The following CCDC149 variants were observed in gnomAD, a reference collection of about 807,000 sequenced individuals.
The protein encoded by CCDC149 is coiled-coil domain-containing protein 149.
CCDC149 carries 45 observed loss-of-function variants against 59.9 expected under a neutral mutation model. The observed-to-expected ratio is 0.75, with a 90% CI of 0.59 to 0.96. CCDC149 has a LOEUF of 0.96. CCDC149 is among the 40% of genes least tolerant of loss of function. The pLI, the probability that CCDC149 is intolerant of heterozygous loss-of-function variation, is 0.00. For missense variants in CCDC149, 584 were observed against 664.7 expected (o/e 0.88, Z 1.33); for synonymous variants, 245 against 260.6 (o/e 0.94, Z 0.58).
At chr4:24,820,372 C>G (rs1042247670) in intron 11 of CCDC149, among the ~76,000 whole-genome samples, 1 of 152,054 alleles carries the variant, frequency 6.6e-6, no homozygotes, top group Admixed American at 6.6e-5. Context: ...CATCGATGGG[C>G]TGATAACTGA....
At chr4:24,827,961 C>G (rs1715871237) in intron 9 of CCDC149, 1 of 152,102 alleles carries the variant, frequency 6.6e-6, no homozygotes, top group South Asian at 2.1e-4. Flanking sequence ...GTTTCCAGTG[C>G]ATTCCAAAAG....
intron 12 of CCDC149, 41 bp downstream of exon 12, chr4:24,819,818 G>A (rs753670640): frequency 2.1e-6 from 3 of 1,404,778 alleles, no homozygotes; most frequent in South Asian, 1.2e-5. Flanking sequence ...TCTGTGGCAG[G>A]CACAGTCCAG....
At chr4:24,834,229 G>T (rs1475468253) in intron 8 of CCDC149, among the ~76,000 whole-genome samples, 1 of 151,998 alleles carries the variant, frequency 6.6e-6, no homozygotes, top group Non-Finnish European at 1.5e-5. Context: ...TATGATAGTT[G>T]CTGGTCTGCA....
intron 1 of CCDC149, among the ~76,000 whole-genome samples, chr4:24,978,329 A>G (rs751193493): frequency 9.2e-5 from 14 of 152,216 alleles, no homozygotes; most frequent in Non-Finnish European, 2.1e-4. Flanking sequence ...TATTAATTTC[A>G]TATCGAAAGG....
rs1425627342 is a variant in CCDC149, at chr4:24,822,539, T to C, written c.1000A>G (p.Lys334Glu). The C allele has an allele frequency of 6.5e-7, 1 of 1,538,694 alleles. No homozygotes were observed. Among genetic ancestry groups the C allele is most frequent in the Non-Finnish European group, 8.8e-7 (1 of 1,141,404 alleles). ...CCAGAAACTTCCAGAGTTCTTAATT[T>C]TTTTTCCAGCTCAGCCACCCGATTC... Residue 334 changes from lysine to glutamate, a missense_variant, in exon 10 of 13, where the codon AAA (lysine) becomes GAA (glutamate). By Grantham distance (56) the Lys-to-Glu change is moderately conservative. Transcript: ENST00000635206.
intron 1 of CCDC149, among the ~76,000 whole-genome samples, chr4:24,937,914 G>A (rs1722830051): frequency 6.6e-6 from 1 of 152,124 alleles, no homozygotes; most frequent in Non-Finnish European, 1.5e-5. Context: ...CCTAAATGCT[G>A]TGCTGCTCCT....
At chr4:24,935,762 G>C (rs994849261) in intron 1 of CCDC149, among the ~76,000 whole-genome samples, 3 of 152,176 alleles carry the variant, frequency 2.0e-5, no homozygotes, top group African/African-American at 7.2e-5. Context: ...TGTTATAGCA[G>C]TCAGAAAAGA....
intron 4 of CCDC149, among the ~76,000 whole-genome samples, chr4:24,845,595 GA>G (rs1207647298): frequency 6.6e-6 from 1 of 152,224 alleles, no homozygotes; most frequent in Non-Finnish European, 1.5e-5. Context: ...TGGAATCTGT[GA>G]AATATGATTT....
At chr4:24,876,726 G>T in intron 1 of CCDC149, 29 bp from the exon 2 acceptor site, 8 of 1,580,630 alleles carry the variant, frequency 5.1e-6, no homozygotes, top group Non-Finnish European at 6.9e-6. Context: ...CAGGCAATGG[G>T]TCAAAAACAT....
At chr4:24,904,667 T>C (rs546351083) in intron 1 of CCDC149, among the ~76,000 whole-genome samples, 8 of 152,346 alleles carry the variant, frequency 5.3e-5, no homozygotes, top group African/African-American at 1.7e-4. Context: ...ATGAGACTTC[T>C]AGTTGCTCTG....
intron 10 of CCDC149, among the ~76,000 whole-genome samples, chr4:24,822,166 T>G (rs969278441): frequency 2.6e-5 from 4 of 151,976 alleles, no homozygotes; most frequent in African/African-American, 4.8e-5. Context: ...TATCTACAGA[T>G]TAAAAGAAAA....
chr4:24,803,955 A>G (rs1016437844), downstream of CCDC149, among the ~76,000 whole-genome samples: 1 of 152,108 alleles, frequency 6.6e-6, no homozygotes, highest in African/African-American at 2.4e-5. This position sits in a 1 kb window ranked among gnomAD's most constrained non-coding sequence, Gnocchi z 4.3. Flanking sequence ...TCTGCTACTC[A>G]TTTCTAACTA....
chr4:24,835,042 G>A lies in CCDC149; in HGVS notation c.736-10C>T, dbSNP rs1378000420. On this transcript the variant is annotated splice_polypyrimidine_tract_variant and intron_variant, in intron 7 of 12. Transcript: ENST00000635206. ...GTCTCTCCAGAGCATTCTAAAACAG[G>A]ATTGGGAGAGAATAAAAACCCGTCA... is the stretch of plus-strand genomic sequence containing the variant. 1 of 1,604,456 alleles carries A rather than the reference G, an allele frequency of 6.2e-7. No homozygotes were observed. The highest frequency in any genetic ancestry group is 8.5e-7 in the Non-Finnish European group (1 of 1,172,034).
intron 1 of CCDC149, among the ~76,000 whole-genome samples, chr4:24,960,544 A>T (rs1723609138): frequency 6.6e-6 from 1 of 152,216 alleles, no homozygotes; most frequent in South Asian, 2.1e-4. Context: ...CAAATGTAAT[A>T]AAAGTAAAGG....
chr4:24,941,442 C>T (rs1321391379), intron 1 of CCDC149, among the ~76,000 whole-genome samples: 1 of 152,112 alleles, frequency 6.6e-6, no homozygotes, highest in African/African-American at 2.4e-5. Flanking sequence ...CAAGAGAAAG[C>T]AGGAAAGATC....
intron 1 of CCDC149, among the ~76,000 whole-genome samples, chr4:24,894,622 A>C (rs1050240425): frequency 1.3e-4 from 20 of 152,040 alleles, no homozygotes; most frequent in Admixed American, 9.8e-4. Flanking sequence ...TTTAAGAAGA[A>C]GTTGAGGAAT....
chr4:24,910,595 G>A (rs148728542), intron 1 of CCDC149, among the ~76,000 whole-genome samples: 19 of 152,190 alleles, frequency 1.2e-4, no homozygotes, highest in Admixed American at 3.9e-4. Flanking sequence ...CATTTGCTGC[G>A]GACTCAAAGT....
intron 1 of CCDC149, among the ~76,000 whole-genome samples, chr4:24,949,067 C>T (rs960288630): frequency 6.6e-6 from 1 of 152,160 alleles, no homozygotes; most frequent in African/African-American, 2.4e-5. Flanking sequence ...AGTGTGAAAA[C>T]AGACTAATAG....
chr4:24,934,760 C>T (rs1722691592), intron 1 of CCDC149, among the ~76,000 whole-genome samples: 1 of 152,098 alleles, frequency 6.6e-6, no homozygotes, highest in Non-Finnish European at 1.5e-5. Flanking sequence ...ACCATGAGGA[C>T]AAAGGCCTTG....
Sources: allele counts gnomAD v4.1 joint callset (sites outside exome capture counted in the v4.1 genomes callset), GRCh38; gene constraint gnomAD v4.1.1; non-coding constraint Gnocchi (gnomAD v3.1); transcripts MANE v1.5; gene names NCBI Gene and HGNC (gene_info 2026-07-23, HGNC 2026-07-21).